DNM3: variants seen among roughly 807,000 people sequenced by gnomAD.
The protein encoded by DNM3 is dynamin-3.
A neutral mutation model predicts 101.6 loss-of-function variants in DNM3; 47 were observed. That is an observed-to-expected ratio of 0.46 (90% CI 0.37 to 0.59). The LOEUF (loss-of-function observed/expected upper bound fraction) is 0.59. Among genes scored for constraint, DNM3 ranks in the 20% least tolerant of loss-of-function variants. The probability of loss-of-function intolerance (pLI) is 0.00; values close to 1 mark genes in which losing one functional copy is unlikely to be tolerated. For missense variants in DNM3, 849 were observed against 1,085.7 expected (o/e 0.78, Z 3.06); for synonymous variants, 385 against 387.9 (o/e 0.99, Z 0.09).
chr1:172,093,666 A>T lies in DNM3; in HGVS notation c.1545+791A>T, dbSNP rs1298324448. The T allele has an allele frequency of 3.8e-6, 6 of 1,592,766 alleles. No homozygotes were observed. In the East Asian group the frequency reaches 1.3e-4, roughly 36 times the overall value. ...TTTATTTTAAAAACTTTTTTTCTGA[A>T]CTAAAGCATATAATTCTTTGCTATT... On this transcript the variant is annotated intron_variant, in intron 13 of 20. Coordinates refer to ENST00000627582, the MANE Select transcript of DNM3 (RefSeq NM_015569.5).
At chr1:172,084,358 T>C (rs988693563) in intron 12 of DNM3, among the ~76,000 whole-genome samples, 1 of 152,146 alleles carries the variant, frequency 6.6e-6, no homozygotes, top group Non-Finnish European at 1.5e-5. Flanking sequence ...TCACATTTGA[T>C]TACTAGATGT....
chr1:172,145,018 T>C (rs1188946517), intron 14 of DNM3, among the ~76,000 whole-genome samples: 1 of 152,106 alleles, frequency 6.6e-6, no homozygotes, highest in East Asian at 1.9e-4. Context: ...GGCCAGATTT[T>C]TTTCCTCAAC....
chr1:171,989,192 G>A, intron 4 of DNM3, 44 bp downstream of exon 4: 1 of 1,565,576 alleles, frequency 6.4e-7, no homozygotes, highest in Non-Finnish European at 8.7e-7. Flanking sequence ...AAAGTGTCAG[G>A]AGTTTTGGTA....
rs146407120 is a variant in DNM3, at chr1:171,844,734, T to C, written c.161+2917T>C. 8.6e-3 allele frequency among the ~76,000 whole-genome samples: 1,309 copies of C among 152,308 alleles called. 7 individuals carry two copies. Among genetic ancestry groups the C allele is most frequent in the Middle Eastern group, 0.041 (12 of 294 alleles). ...TGCAGGATGAGATATATGCTGGCAA[T>C]GAGAGGCAGCTTAAGATCTAATGAA... is the stretch of plus-strand genomic sequence containing the variant. On this transcript the variant is annotated intron_variant, in intron 1 of 20. Coordinates refer to ENST00000627582, the MANE Select transcript of DNM3 (RefSeq NM_015569.5).
intron 15 of DNM3, among the ~76,000 whole-genome samples, chr1:172,273,101 T>C (rs1274331642): frequency 6.6e-6 from 1 of 152,114 alleles, no homozygotes; most frequent in Non-Finnish European, 1.5e-5. Context: ...AGACAATAGG[T>C]AAATTATATA....
At chr1:172,110,285 G>T (rs943513439) in intron 13 of DNM3, among the ~76,000 whole-genome samples, 6 of 152,038 alleles carry the variant, frequency 3.9e-5, no homozygotes, top group African/African-American at 1.2e-4. Flanking sequence ...TACTTTTCCG[G>T]ACTTCTACAC....
At chr1:171,920,323 C>T (rs2040056104) in intron 1 of DNM3, among the ~76,000 whole-genome samples, 1 of 152,176 alleles carries the variant, frequency 6.6e-6, no homozygotes, top group Non-Finnish European at 1.5e-5. Flanking sequence ...AAATTTCCTA[C>T]AAAACTCATA....
At chr1:172,417,415 A>C (rs2071467520), downstream of DNM3, among the ~76,000 whole-genome samples, 2 of 152,322 alleles carry the variant, frequency 1.3e-5, no homozygotes, top group African/African-American at 4.8e-5. Context: ...GAACACAAGA[A>C]AGGCTGATGT....
chr1:172,110,966 A>T (rs1309707209), intron 13 of DNM3, among the ~76,000 whole-genome samples: 1 of 152,182 alleles, frequency 6.6e-6, no homozygotes, highest in Non-Finnish European at 1.5e-5. Context: ...AGCCGGGGAG[A>T]TCGAGGTTGC....
chr1:171,887,189 C>T (rs1289399580), intron 1 of DNM3, among the ~76,000 whole-genome samples: 1 of 152,036 alleles, frequency 6.6e-6, no homozygotes, highest in African/African-American at 2.4e-5. Flanking sequence ...TTAATAGAAT[C>T]AAGAATTATA....
intron 14 of DNM3, among the ~76,000 whole-genome samples, chr1:172,245,500 G>T (rs1367236057): frequency 6.6e-6 from 1 of 152,202 alleles, no homozygotes; most frequent in East Asian, 1.9e-4. Context: ...GGCCATGGTG[G>T]GAGCTTCTGA....
At chr1:171,984,461 A>C (rs1336851488) in intron 2 of DNM3, among the ~76,000 whole-genome samples, 1 of 151,898 alleles carries the variant, frequency 6.6e-6, no homozygotes, top group East Asian at 1.9e-4. Context: ...TGCCGAACAC[A>C]CATCTGCTTT....
chr1:172,021,915 C>A (rs944366205), intron 4 of DNM3, among the ~76,000 whole-genome samples: 47 of 152,204 alleles, frequency 3.1e-4, no homozygotes, highest in African/African-American at 1.1e-3. Flanking sequence ...CTGCATATAA[C>A]CTCTTCTAAA....
chr1:172,355,577 A>G (rs1422941234), intron 17 of DNM3, among the ~76,000 whole-genome samples: 2 of 152,138 alleles, frequency 1.3e-5, no homozygotes, highest in Non-Finnish European at 2.9e-5. Flanking sequence ...GCTAATTTCC[A>G]TGGTGTGAAT....
intron 2 of DNM3, among the ~76,000 whole-genome samples, chr1:171,924,701 A>C (rs1197456842): frequency 6.6e-6 from 1 of 152,144 alleles, no homozygotes; most frequent in East Asian, 1.9e-4. Context: ...GGGGATTACA[A>C]TTCAAGATGA....
intron 14 of DNM3, among the ~76,000 whole-genome samples, chr1:172,148,896 TCA>T (rs2058026048): frequency 1.3e-5 from 2 of 152,250 alleles, no homozygotes; most frequent in East Asian, 3.9e-4. Context: ...CTTTCCTGAA[TCA>T]CAAACAAATG....
chr1:171,936,538 A>G (rs1571710537), intron 2 of DNM3, among the ~76,000 whole-genome samples: 1 of 152,322 alleles, frequency 6.6e-6, no homozygotes, highest in East Asian at 1.9e-4. Flanking sequence ...AAGATACTAA[A>G]ATAAGAAATC....
intron 17 of DNM3, among the ~76,000 whole-genome samples, chr1:172,371,809 TTCTG>T (rs1410995700): frequency 3.3e-5 from 5 of 152,008 alleles, no homozygotes; most frequent in South Asian, 4.1e-4. Context: ...ATTCAGGGTA[TTCTG>T]TCTAAGTCAG....
intron 17 of DNM3, among the ~76,000 whole-genome samples, chr1:172,325,142 C>T (rs2148918983): frequency 6.6e-6 from 1 of 152,262 alleles, no homozygotes; most frequent in Admixed American, 6.5e-5. Flanking sequence ...CAGTTTAATA[C>T]ATTTTACTGA....
Sources: gnomAD v4.1 joint callset for allele counts (sites outside exome capture counted in the v4.1 genomes callset) on GRCh38, gnomAD v4.1.1 for gene constraint, MANE v1.5 for transcripts, NCBI Gene and HGNC (gene_info 2026-07-23, HGNC 2026-07-21) for gene names.